The following PELI2 variants were observed in gnomAD, a reference collection of about 807,000 sequenced individuals.
PELI2 encodes the protein pellino E3 ubiquitin protein ligase family member 2.
Under a neutral mutation model 42.3 loss-of-function variants are expected in PELI2, and 23 were observed. The ratio of observed to expected loss-of-function variants is 0.54; its 90% CI spans 0.39 to 0.77. PELI2 has a LOEUF of 0.77. Ranked by LOEUF, PELI2 falls within the 30% of genes least tolerant of loss-of-function variation. The probability of loss-of-function intolerance (pLI) is 0.00; values close to 1 mark genes in which losing one functional copy is unlikely to be tolerated. For missense variants in PELI2, 463 were observed against 553.2 expected (o/e 0.84, Z 1.64); for synonymous variants, 245 against 212.2 (o/e 1.15, Z -1.34).
intron 2 of PELI2, among the ~76,000 whole-genome samples, chr14:56,210,281 G>A (rs926343226): frequency 1.3e-5 from 2 of 152,162 alleles, no homozygotes; most frequent in Non-Finnish European, 2.9e-5. Flanking sequence ...AACTTGTGCT[G>A]TTAAGAATTA....
At chr14:56,270,169 G>A (rs149729563) in intron 2 of PELI2, among the ~76,000 whole-genome samples, 1 of 152,280 alleles carries the variant, frequency 6.6e-6, no homozygotes, top group East Asian at 1.9e-4. Context: ...GCCCAGGGCC[G>A]AGTTCAACGC....
intron 2 of PELI2, among the ~76,000 whole-genome samples, chr14:56,252,114 T>A (rs1408481005): frequency 6.6e-6 from 1 of 152,220 alleles, no homozygotes; most frequent in Non-Finnish European, 1.5e-5. Flanking sequence ...CTGAATGCTC[T>A]CTGTACCAGA....
In PELI2 at chr14:56,178,449, G is replaced by A. The variant is rs774793723; in HGVS notation, c.192G>A (p.Thr64=). ...VKPSTVHVIS[T]PQASKAISCK... ...CCAGCACCGTCCATGTGATATCCACGCCCCAGGCATCCAAGGTAGGTGGGT... is the reference window on the plus strand; with the variant it reads ...CCAGCACCGTCCATGTGATATCCACACCCCAGGCATCCAAGGTAGGTGGGT... Residue 64 remains threonine (T), a synonymous_variant, in exon 2 of 6, where the codon ACG becomes ACA. Coordinates refer to ENST00000267460, the MANE Select transcript of PELI2 (RefSeq NM_021255.3). The A allele has an allele frequency of 2.8e-5, 45 of 1,614,096 alleles. No individual in the cohort carries two copies. Among genetic ancestry groups the A allele is most frequent in the African/African-American group, 5.3e-5 (4 of 75,034 alleles).
rs1394716994 is a variant in PELI2 at position 56,281,321 on chromosome 14, T to A, written c.309+1544T>A. The stretch of plus-strand genomic sequence containing the variant: ...CAGTATGGTGCATTTAAATGCAAAA[T>A]ACCATGCAGCCATTACATGATTATT... On this transcript the variant is annotated intron_variant, in intron 3 of 5. Transcript: ENST00000267460. Among the ~76,000 whole-genome samples the A allele has an allele frequency of 2.0e-5, 3 of 152,210 alleles. No individual in the cohort carries two copies. The East Asian group carries it at 5.8e-4, about 29-fold the overall frequency.
intron 2 of PELI2, among the ~76,000 whole-genome samples, chr14:56,213,907 A>G (rs375655103): frequency 6.6e-4 from 100 of 152,212 alleles, no homozygotes; most frequent in Middle Eastern, 3.4e-3. Flanking sequence ...GCTGGAGTGC[A>G]GTGGCGTGAT....
intron 1 of PELI2, among the ~76,000 whole-genome samples, chr14:56,130,083 G>A (rs1056004735): frequency 6.6e-6 from 1 of 151,972 alleles, no homozygotes; most frequent in South Asian, 2.1e-4. Flanking sequence ...TTTTCCTGAG[G>A]AGATGAGGAA....
chr14:56,194,781 C>G (rs190064697), intron 2 of PELI2, among the ~76,000 whole-genome samples: 1 of 152,128 alleles, frequency 6.6e-6, no homozygotes, highest in African/African-American at 2.4e-5. Flanking sequence ...TGCCCCCCGC[C>G]CCGCCCATAC....
At chr14:56,186,752 A>C (rs1885782377) in intron 2 of PELI2, among the ~76,000 whole-genome samples, 1 of 152,222 alleles carries the variant, frequency 6.6e-6, no homozygotes, top group Non-Finnish European at 1.5e-5. Flanking sequence ...CATTACTGAT[A>C]TACAGTAATT....
At chr14:56,261,035 A>AT (rs796161866) in intron 2 of PELI2, among the ~76,000 whole-genome samples, 2,916 of 144,782 alleles carry the variant, frequency 0.02, 85 homozygotes, top group African/African-American at 0.063. Flanking sequence ...GGATTGAGGT[A>AT]TTTTTTTTTT....
chr14:56,130,175 C>T (rs1000567244), intron 1 of PELI2, among the ~76,000 whole-genome samples: 1 of 152,084 alleles, frequency 6.6e-6, no homozygotes, highest in Non-Finnish European at 1.5e-5. Flanking sequence ...GCTCCTGAGC[C>T]CTGATGGTAT....
At position 56,157,793 on chromosome 14, in the gene PELI2, A is replaced by G. The variant is rs561454991; in HGVS notation, c.78-20542A>G. 9.8e-4 allele frequency among the ~76,000 whole-genome samples: 149 copies of G among 152,342 alleles called. 1 individual carries two copies. In the South Asian group the frequency reaches 0.014, roughly 14 times the overall value. On this transcript the variant is annotated intron_variant, in intron 1 of 5. Transcript: ENST00000267460. Reference sequence around the variant, plus strand: ...ATTAGCATGATTCTTAGGAGTAGTAAGAAAGGCATGCCATGAAATGTTAAA... The same window carrying G: ...ATTAGCATGATTCTTAGGAGTAGTAGGAAAGGCATGCCATGAAATGTTAAA...
chr14:56,165,821 G>A (rs79189438), intron 1 of PELI2, among the ~76,000 whole-genome samples: 17,326 of 152,040 alleles, frequency 0.11, 1,299 homozygotes, highest in Middle Eastern at 0.17. Context: ...TCTGACATAA[G>A]TATAGCAACT....
intron 2 of PELI2, among the ~76,000 whole-genome samples, chr14:56,272,975 T>G (rs986599389): frequency 6.6e-6 from 1 of 152,202 alleles, no homozygotes; most frequent in Admixed American, 6.5e-5. Context: ...CCTTGTAAGC[T>G]GATTGTTTCA....
chr14:56,263,776 A>C (rs2139841515), intron 2 of PELI2, among the ~76,000 whole-genome samples: 1 of 152,342 alleles, frequency 6.6e-6, no homozygotes, highest in Admixed American at 6.5e-5. Context: ...TAATGGGTGC[A>C]AACATTTTTA....
chr14:56,155,040 A>G (rs965424831), intron 1 of PELI2, among the ~76,000 whole-genome samples: 2 of 152,100 alleles, frequency 1.3e-5, no homozygotes, highest in African/African-American at 2.4e-5. Flanking sequence ...TTGTCTATTC[A>G]TGTTCTTTGC....
At chr14:56,194,993 G>T (rs1566630697) in intron 2 of PELI2, among the ~76,000 whole-genome samples, 1 of 152,198 alleles carries the variant, frequency 6.6e-6, no homozygotes, top group Non-Finnish European at 1.5e-5. Context: ...TGACCCTAAT[G>T]AATGTGGGAT....
chr14:56,211,970 A>C (rs1350023456), intron 2 of PELI2, among the ~76,000 whole-genome samples: 2 of 152,194 alleles, frequency 1.3e-5, no homozygotes, highest in African/African-American at 2.4e-5. Flanking sequence ...CCCAAAGTCA[A>C]ATAGCTGACT....
At chr14:56,252,403 T>C (rs1165209184) in intron 2 of PELI2, among the ~76,000 whole-genome samples, 9 of 152,214 alleles carry the variant, frequency 5.9e-5, no homozygotes, top group Non-Finnish European at 1.5e-5. Flanking sequence ...TCAAGAAGCT[T>C]TGAAAGAAGT....
chr14:56,231,627 A>G (rs137977589), intron 2 of PELI2, among the ~76,000 whole-genome samples: 4,026 of 152,330 alleles, frequency 0.026, 74 homozygotes, highest in Non-Finnish European at 0.041. Flanking sequence ...AGGGAAGTTT[A>G]TAGCACTAAA....
Sources: allele counts gnomAD v4.1 joint callset (sites outside exome capture counted in the v4.1 genomes callset), GRCh38; gene constraint gnomAD v4.1.1; transcripts MANE v1.5; gene names NCBI Gene and HGNC (gene_info 2026-07-23, HGNC 2026-07-21).